FAM171A1: variants seen among roughly 807,000 people sequenced by gnomAD.
FAM171A1 encodes family with sequence similarity 171 member A1.
Under a neutral mutation model 74.9 loss-of-function variants are expected in FAM171A1, and 23 were observed. The observed-to-expected ratio is 0.31, with a 90% CI of 0.22 to 0.44. FAM171A1 has a LOEUF of 0.44. Among genes scored for constraint, FAM171A1 ranks in the 20% least tolerant of loss-of-function variants. The pLI is 1.00. For missense variants in FAM171A1, 1,162 were observed against 1,159.2 expected (o/e 1.00, Z -0.03); for synonymous variants, 527 against 505.7 (o/e 1.04, Z -0.57).
At chr10:15,229,896 ATC>A (rs879380295) in intron 5 of FAM171A1, among the ~76,000 whole-genome samples, 6,729 of 99,084 alleles carry the variant, frequency 0.068, 1,037 homozygotes, top group Non-Finnish European at 0.082. Context: ...CACCATCACC[ATC>A]ATCACCATCA....
At chr10:15,272,410 C>T (rs1047855780) in intron 3 of FAM171A1, among the ~76,000 whole-genome samples, 3 of 152,176 alleles carry the variant, frequency 2.0e-5, no homozygotes, top group African/African-American at 7.2e-5. Context: ...TAGAGACTTA[C>T]AAAGAGTCTT....
At chr10:15,277,539 A>G (rs914747853) in intron 2 of FAM171A1, among the ~76,000 whole-genome samples, 4 of 152,166 alleles carry the variant, frequency 2.6e-5, no homozygotes, top group Non-Finnish European at 5.9e-5. Context: ...AGTAGGCATT[A>G]TTAACATGCC....
intron 3 of FAM171A1, among the ~76,000 whole-genome samples, chr10:15,255,660 T>C (rs1477846203): frequency 2.0e-5 from 3 of 151,850 alleles, no homozygotes; most frequent in Admixed American, 2.0e-4. Context: ...TCTTCTTTTT[T>C]TTTTTTGAGA....
intron 6 of FAM171A1, 85 bp downstream of exon 6, chr10:15,220,859 G>A: frequency 1.0e-6 from 1 of 963,732 alleles, no homozygotes; most frequent in Non-Finnish European, 1.6e-6. Context: ...CCCTGCTGAA[G>A]TTATTTTCAA....
At chr10:15,296,041 G>A (rs1042070224) in intron 1 of FAM171A1, among the ~76,000 whole-genome samples, 1 of 152,216 alleles carries the variant, frequency 6.6e-6, no homozygotes, top group African/African-American at 2.4e-5. Flanking sequence ...ATATCAGCAT[G>A]TGCATTGAAT....
In FAM171A1 at chr10:15,332,264, C is replaced by G. The variant is rs561406820; in HGVS notation, c.97+38692G>C. ...AGCCACCACGCCAGGCCAGGACTTG[C>G]ATTTTAAAGCACTTGTATTTTATGC... On this transcript the variant is annotated intron_variant, in intron 1 of 7. Transcript: ENST00000378116. 1.4e-4 allele frequency among the ~76,000 whole-genome samples: 21 copies of G among 152,166 alleles called. No homozygotes were observed. In the East Asian group the frequency reaches 3.7e-3, roughly 27 times the overall value.
chr10:15,220,896 G>C (rs763265387), intron 6 of FAM171A1, 48 bp downstream of exon 6: 35 of 1,437,466 alleles, frequency 2.4e-5, no homozygotes, highest in Non-Finnish European at 3.4e-5. Flanking sequence ...AACCCTCAAA[G>C]ACCAAAGCAA....
intron 3 of FAM171A1, among the ~76,000 whole-genome samples, chr10:15,255,930 G>A (rs181770501): frequency 3.6e-4 from 55 of 152,254 alleles, no homozygotes; most frequent in Middle Eastern, 6.8e-3. Context: ...TTACAGGTGT[G>A]AGCCACCGCG....
At chr10:15,321,920 T>C (rs528263344) in intron 1 of FAM171A1, among the ~76,000 whole-genome samples, 6 of 152,352 alleles carry the variant, frequency 3.9e-5, no homozygotes, top group South Asian at 2.1e-4. Flanking sequence ...ATAATATTTG[T>C]CATGTAGTTG....
intron 1 of FAM171A1, among the ~76,000 whole-genome samples, chr10:15,345,175 C>T (rs774332427): frequency 1.3e-4 from 20 of 152,112 alleles, no homozygotes; most frequent in Non-Finnish European, 2.2e-4. Context: ...GAGAAGAGAA[C>T]GAAGGAAATT....
At chr10:15,361,052 C>T (rs1835987633) in intron 1 of FAM171A1, among the ~76,000 whole-genome samples, 1 of 151,892 alleles carries the variant, frequency 6.6e-6, no homozygotes, top group South Asian at 2.1e-4. Flanking sequence ...CCTCGTCTTA[C>T]CTTTATAAGA....
In FAM171A1 at chr10:15,212,018, T is replaced by C. The variant is rs1337142964; in HGVS notation, c.*897A>G. 6.6e-6 allele frequency: 1 copy of C among 152,634 alleles called. No homozygotes were observed. The highest frequency in any genetic ancestry group is 1.5e-5 in the Non-Finnish European group (1 of 68,040). 9.5% of individuals were successfully genotyped at this position (152,634 alleles called of 1,614,324 possible). ...AGAGCACACTGTGTTGAAACGAGGA[T>C]GCTGACCCCAAATGGCACTTGGCAG... On this transcript the variant is annotated 3_prime_UTR_variant, in exon 8 of 8. Transcript: ENST00000378116.
intron 1 of FAM171A1, among the ~76,000 whole-genome samples, chr10:15,333,320 T>C (rs1349024627): frequency 1.3e-5 from 2 of 151,868 alleles, no homozygotes; most frequent in Non-Finnish European, 2.9e-5. Flanking sequence ...ATGGTGATGG[T>C]GAAACCCCAT....
chr10:15,365,961 T>C (rs1186053481), intron 1 of FAM171A1, among the ~76,000 whole-genome samples: 1 of 152,182 alleles, frequency 6.6e-6, no homozygotes, highest in Non-Finnish European at 1.5e-5. Flanking sequence ...CTTTCTAAAA[T>C]GGTTAGTTGC....
At chr10:15,279,117 G>T (rs1834933651) in intron 2 of FAM171A1, among the ~76,000 whole-genome samples, 1 of 152,266 alleles carries the variant, frequency 6.6e-6, no homozygotes. Flanking sequence ...GGTTTGGGGG[G>T]CTCGGAGCTC....
intron 6 of FAM171A1, among the ~76,000 whole-genome samples, chr10:15,220,634 A>G (rs935151998): frequency 6.6e-6 from 1 of 152,058 alleles, no homozygotes; most frequent in Non-Finnish European, 1.5e-5. Context: ...TGTTTCAGGA[A>G]TTAGGGAGGA....
At chr10:15,223,429 T>A (rs954761661) in intron 5 of FAM171A1, among the ~76,000 whole-genome samples, 1 of 152,216 alleles carries the variant, frequency 6.6e-6, no homozygotes, top group African/African-American at 2.4e-5. Flanking sequence ...GTTGAGTCAC[T>A]GCTTGTCAAA....
chr10:15,234,012 T>C (rs1038578783), intron 5 of FAM171A1, among the ~76,000 whole-genome samples: 6 of 151,544 alleles, frequency 4.0e-5, no homozygotes, highest in East Asian at 1.9e-4. Flanking sequence ...GGAAGGGAGA[T>C]TTTACAGATC....
chr10:15,316,893 C>G (rs903597863), intron 1 of FAM171A1, among the ~76,000 whole-genome samples: 1 of 152,158 alleles, frequency 6.6e-6, no homozygotes, highest in Non-Finnish European at 1.5e-5. Context: ...GACAGACTCA[C>G]GCATTCTCCA....
Sources: gnomAD v4.1 joint callset for allele counts (sites outside exome capture counted in the v4.1 genomes callset) on GRCh38, gnomAD v4.1.1 for gene constraint, MANE v1.5 for transcripts, NCBI Gene and HGNC (gene_info 2026-07-23, HGNC 2026-07-21) for gene names.